ABHD2: variants seen among roughly 807,000 people sequenced by gnomAD.
ABHD2 encodes the protein abhydrolase domain containing 2, acylglycerol lipase.
In ABHD2, 20 loss-of-function variants were observed where a neutral mutation model predicts 48.1. The ratio of observed to expected loss-of-function variants is 0.42; its 90% CI spans 0.29 to 0.60. The LOEUF is 0.60. ABHD2 is among the 20% of genes least tolerant of loss of function. The probability of loss-of-function intolerance (pLI) is 0.24; values close to 1 mark genes in which losing one functional copy is unlikely to be tolerated. For missense variants in ABHD2, 405 were observed against 550.9 expected, an observed-to-expected ratio of 0.74 and a Z score of 2.65; for synonymous variants, 209 against 214.2, an observed-to-expected ratio of 0.98 and a Z score of 0.21.
At chr15:89,119,915 A>T (rs1245408598) in intron 3 of ABHD2, among the ~76,000 whole-genome samples, 2 of 152,148 alleles carry the variant, frequency 1.3e-5, no homozygotes, top group Non-Finnish European at 2.9e-5. Context: ...TTTTTCCTAC[A>T]AGGAAGCCTG....
At chr15:89,193,375 T>C in intron 10 of ABHD2, 56 bp downstream of exon 10, 2 of 1,388,276 alleles carry the variant, frequency 1.4e-6, no homozygotes, top group Non-Finnish European at 2.1e-6. Flanking sequence ...CACAGTAAAT[T>C]CTGTCACCTT....
At chr15:89,152,991 G>A (rs958158966) in intron 4 of ABHD2, among the ~76,000 whole-genome samples, 3 of 152,100 alleles carry the variant, frequency 2.0e-5, no homozygotes, top group African/African-American at 7.2e-5. Flanking sequence ...GTAAATTCCA[G>A]TAAACATATT....
chr15:89,168,416 G>A lies in ABHD2; in HGVS notation c.539-7396G>A, dbSNP rs1274643002. On this transcript the variant is annotated intron_variant, in intron 5 of 10. Transcript: ENST00000352732. The surrounding 1 kb of genome is among the most constrained non-coding windows in gnomAD (Gnocchi z 4.8). ...GCTGTTAGTAATAACAGGCCAGGGAGAGGCCCCAGGCACTAAAGGTGTTTG... is the reference window on the plus strand; with the variant it reads ...GCTGTTAGTAATAACAGGCCAGGGAAAGGCCCCAGGCACTAAAGGTGTTTG... Among the ~76,000 whole-genome samples the A allele has an allele frequency of 6.6e-6, 1 of 152,202 alleles. No individual in the cohort carries two copies. The highest frequency in any genetic ancestry group is 1.5e-5 in the Non-Finnish European group (1 of 68,036).
chr15:89,043,255 T>G, the ABHD2 span, among the ~76,000 whole-genome samples: 1 of 152,246 alleles, frequency 6.6e-6, no homozygotes, highest in South Asian at 2.1e-4. Flanking sequence ...GCAAGTTTGC[T>G]TTCAGCAGAA....
intron 10 of ABHD2, 59 bp downstream of exon 10, chr15:89,193,378 G>A: frequency 7.2e-7 from 1 of 1,382,578 alleles, no homozygotes; most frequent in South Asian, 1.2e-5. Flanking sequence ...AGTAAATTCT[G>A]TCACCTTCAC....
At chr15:89,134,664 C>A (rs567738647) in intron 3 of ABHD2, among the ~76,000 whole-genome samples, 8 of 152,034 alleles carry the variant, frequency 5.3e-5, no homozygotes, top group South Asian at 2.1e-4. Context: ...ATATAAAAAT[C>A]TTATTATTTT....
chr15:89,107,252 A>G (rs2049800956), intron 1 of ABHD2, among the ~76,000 whole-genome samples: 1 of 152,166 alleles, frequency 6.6e-6, no homozygotes, highest in South Asian at 2.1e-4. Context: ...GGACATGATG[A>G]TCACCACTTA....
intron 1 of ABHD2, among the ~76,000 whole-genome samples, chr15:89,107,252 A>T (rs2049800956): frequency 6.6e-6 from 1 of 152,166 alleles, no homozygotes; most frequent in South Asian, 2.1e-4. Context: ...GGACATGATG[A>T]TCACCACTTA....
In ABHD2 at chr15:89,200,047, C is replaced by T. The variant is rs918900072; in HGVS notation, c.*4624C>T. 6.6e-6 allele frequency: 1 copy of T among 152,400 alleles called. No individual in the cohort carries two copies. Among genetic ancestry groups the T allele is most frequent in the African/African-American group, 2.4e-5 (1 of 41,438 alleles). 9.4% of individuals were successfully genotyped at this position (152,400 alleles called of 1,614,324 possible). A position where few individuals can be genotyped will look rare whatever the true frequency, so the allele number is the denominator to read the frequency against. ...GCAGGCCGCAGAGTAGACAGCTGCT[C>T]CTTTTGGAAGAGTCAGTCCCCTGTG... On this transcript the variant is annotated 3_prime_UTR_variant, in exon 11 of 11. Coordinates refer to ENST00000352732, the MANE Select transcript of ABHD2 (RefSeq NM_152924.5).
the ABHD2 span, among the ~76,000 whole-genome samples, chr15:89,080,234 G>T: frequency 6.6e-6 from 1 of 152,212 alleles, no homozygotes; most frequent in Non-Finnish European, 1.5e-5. Flanking sequence ...TGGTGCAGAG[G>T]TTTTGCCCAA....
rs968475916 is a variant in ABHD2 at position 89,196,544 on chromosome 15, C to T, written c.*1121C>T. The T allele has an allele frequency of 1.6e-4, 25 of 152,154 alleles. No individual in the cohort carries two copies. The highest frequency in any genetic ancestry group is 6.0e-4 in the African/African-American group (25 of 41,434). 9.4% of individuals were successfully genotyped at this position (152,154 alleles called of 1,614,324 possible). ...CTGGGAGCTGCTCTCCCAGTCTAAGCATGTAGATATCATCGTTTGCCTTTT... is the reference window on the plus strand; with the variant it reads ...CTGGGAGCTGCTCTCCCAGTCTAAGTATGTAGATATCATCGTTTGCCTTTT... On this transcript the variant is annotated 3_prime_UTR_variant, in exon 11 of 11. Transcript: ENST00000352732.
intron 1 of ABHD2, chr15:89,090,318 G>T (rs185777908): frequency 1.3e-5 from 2 of 152,272 alleles, no homozygotes; most frequent in Non-Finnish European, 2.9e-5. Context: ...AGATTGTTTT[G>T]AGAAGTGCAT....
rs1596077411 is a variant in ABHD2, at chr15:89,116,091, C to G, written c.-6-231C>G. ...TGCTTGTGAAATTATAAAAAGAAAA[C>G]ACAGTACCCAGTTTATCCATGCTCA... On this transcript the variant is annotated intron_variant, in intron 2 of 10. Transcript: ENST00000352732. The surrounding 1 kb of genome is among the most constrained non-coding windows in gnomAD (Gnocchi z 4.6). 6.6e-6 allele frequency among the ~76,000 whole-genome samples: 1 copy of G among 152,194 alleles called. No individual in the cohort carries two copies. Among genetic ancestry groups the G allele is most frequent in the East Asian group, 1.9e-4 (1 of 5,196 alleles).
chr15:89,127,203 G>A (rs1248735573), intron 3 of ABHD2, among the ~76,000 whole-genome samples: 1 of 152,144 alleles, frequency 6.6e-6, no homozygotes, highest in African/African-American at 2.4e-5. Context: ...GTGGCAGCTT[G>A]TGAACCACCC....
intron 3 of ABHD2, among the ~76,000 whole-genome samples, chr15:89,131,950 G>A (rs1756403828): frequency 6.6e-6 from 1 of 152,084 alleles, no homozygotes; most frequent in South Asian, 2.1e-4. Context: ...GGATGGTAGG[G>A]ACGACTAAAG....
rs527776406 is a variant in ABHD2, at chr15:89,182,132, C to A, written c.723-3292C>A. On this transcript the variant is annotated intron_variant, in intron 6 of 10. Coordinates refer to ENST00000352732, the MANE Select transcript of ABHD2 (RefSeq NM_152924.5). This position sits in a 1 kb window ranked among gnomAD's most constrained non-coding sequence, Gnocchi z 4.8. ...TTTAAAAATCCTTATGGATTATTCT[C>A]AAAAAAGACTCCCAGTGAAACTATA... 6.4e-4 allele frequency among the ~76,000 whole-genome samples: 97 copies of A among 152,228 alleles called. 1 individual carries two copies. Among genetic ancestry groups the A allele is most frequent in the Admixed American group, 2.0e-3 (31 of 15,296 alleles).
chr15:89,183,368 C>CAA lies in ABHD2; in HGVS notation c.723-2040_723-2039dup, dbSNP rs1233981139. The CAA allele has an allele frequency of 4.3e-3, 269 of 61,840 alleles. 8 individuals carry two copies. The highest frequency in any genetic ancestry group is 0.02 in the South Asian group (25 of 1,262). The allele number at this position is 61,840 out of a possible 1,614,324, so 3.8% of individuals were successfully genotyped here. On this transcript the variant is annotated intron_variant, in intron 6 of 10. Coordinates refer to ENST00000352732, the MANE Select transcript of ABHD2 (RefSeq NM_152924.5). ...TGGTATTGAAGACATCAGTCCTTTT[C>CAA]AAAAAAAAAAAAAAAAATATATATA...
intron 4 of ABHD2, among the ~76,000 whole-genome samples, chr15:89,154,929 A>T (rs758289639): frequency 2.6e-5 from 4 of 152,220 alleles, no homozygotes; most frequent in African/African-American, 4.8e-5. Flanking sequence ...TGGGTCAAAG[A>T]GGTCTGTGCA....
Position 89,146,390 on chromosome 15 carries a change from G to GTA in ABHD2, c.195-5286_195-5285insAT, listed in dbSNP as rs1298601630. 1.7e-4 allele frequency among the ~76,000 whole-genome samples: 26 copies of GTA among 148,842 alleles called. No homozygotes were observed. Among genetic ancestry groups the GTA allele is most frequent in the African/African-American group, 6.6e-4 (26 of 39,274 alleles). ...TGTGTGTGTGTGTGTGTGTGTGTGT[G>GTA]TGTGTGTGTACGTATGTATATGGGG... is the stretch of plus-strand genomic sequence containing the variant. On this transcript the variant is annotated intron_variant, in intron 3 of 10. Transcript: ENST00000352732. The surrounding 1 kb of genome is among the most constrained non-coding windows in gnomAD (Gnocchi z 4.2).
Sources: allele counts gnomAD v4.1 joint callset (sites outside exome capture counted in the v4.1 genomes callset), GRCh38; gene constraint gnomAD v4.1.1; non-coding constraint Gnocchi (gnomAD v3.1); transcripts MANE v1.5; gene names NCBI Gene and HGNC (gene_info 2026-07-23, HGNC 2026-07-21).